Variants in REV3L observed in about 807,000 individuals in gnomAD.
REV3L encodes DNA polymerase zeta catalytic subunit.
Under a neutral mutation model 299.4 loss-of-function variants are expected in REV3L, and 69 were observed. That is an observed-to-expected ratio of 0.23 (90% CI 0.19 to 0.28). The LOEUF is 0.28. Among genes scored for constraint, REV3L ranks in the 10% least tolerant of loss-of-function variants. REV3L has a pLI of 1.00. For synonymous variants in REV3L, 1,238 were observed against 1,271.4 expected (o/e 0.97, Z 0.56); for missense variants, 3,128 against 3,693.8 (o/e 0.85, Z 3.97).
At position 111,390,162 on chromosome 6, in the gene REV3L, A is replaced by G. The variant is rs1474974341; in HGVS notation, c.681T>C (p.Gly227=). The G allele has an allele frequency of 5.6e-6, 9 of 1,600,594 alleles. No homozygotes were observed. Among genetic ancestry groups the G allele is most frequent in the Non-Finnish European group, 6.8e-6 (8 of 1,168,242 alleles). Residue 227 remains glycine, a synonymous_variant, in exon 6 of 32, where the codon GGT becomes GGC. Coordinates refer to ENST00000368802, the MANE Select transcript of REV3L (RefSeq NM_001372078.1). ...ATTCACATGTACTCTGTGGTTCAAC[A>G]CCTTCCAATATTAAAGAGCTGCAAT... The part of the protein sequence containing the change: ...DEIPSSLILE[G]VEPQSTCELE...
rs754018384 is a variant in REV3L, at chr6:111,374,218, G to A, written c.4137C>T (p.Ser1379=). 1 of 1,613,712 alleles carries A rather than the reference G, an allele frequency of 6.2e-7. No individual in the cohort carries two copies. The highest frequency in any genetic ancestry group is 8.5e-7 in the Non-Finnish European group (1 of 1,179,746). Residue 1379 remains serine, a synonymous_variant, in exon 13 of 32, where the codon TCC becomes TCT. Coordinates refer to ENST00000368802, the MANE Select transcript of REV3L (RefSeq NM_001372078.1). The part of the protein sequence containing the change: ...AQNTQISSGM[S]SKIEDNANNI... The stretch of plus-strand genomic sequence containing the variant: ...TATTTGCATTATCTTCTATCTTTGA[G>A]GACATACCAGAAGATATCTGTGTAT...
intron 3 of REV3L, among the ~76,000 whole-genome samples, chr6:111,406,898 A>C (rs1025643148): frequency 6.6e-6 from 1 of 152,224 alleles, no homozygotes; most frequent in Non-Finnish European, 1.5e-5. Flanking sequence ...TACTGTGCTA[A>C]CGTACTTTAT....
intron 21 of REV3L, among the ~76,000 whole-genome samples, chr6:111,339,754 A>G (rs1233357518): frequency 1.3e-5 from 2 of 152,224 alleles, no homozygotes; most frequent in South Asian, 4.1e-4. Flanking sequence ...TAATTTAAAA[A>G]AGTGATCTTT....
At chr6:111,339,856 T>C (rs1181852370) in intron 21 of REV3L, among the ~76,000 whole-genome samples, 2 of 152,168 alleles carry the variant, frequency 1.3e-5, no homozygotes, top group South Asian at 2.1e-4. Context: ...CCTTTACTTA[T>C]GGTTAAAGGA....
intron 2 of REV3L, chr6:111,411,915 A>C: frequency 1.1e-6 from 1 of 918,342 alleles, no homozygotes; most frequent in Non-Finnish European, 1.3e-6. Flanking sequence ...CTCCACATAT[A>C]AGAAAACATA....
chr6:111,432,598 A>G (rs1425704451), intron 1 of REV3L, among the ~76,000 whole-genome samples: 3 of 152,220 alleles, frequency 2.0e-5, no homozygotes, highest in African/African-American at 7.2e-5. Flanking sequence ...CAATACAGTA[A>G]TAGTAGGGGA....
Position 111,315,311 on chromosome 6 carries a change from C to T in REV3L, c.8422G>A (p.Val2808Ile). 3.1e-6 allele frequency: 5 copies of T among 1,614,074 alleles called. No individual in the cohort carries two copies. Among genetic ancestry groups the T allele is most frequent in the Non-Finnish European group, 4.2e-6 (5 of 1,179,994 alleles). ...ACTGGTTTAGGATTGGTAGCAGTTA[C>T]AGCTTCGGCAATTTCCTGACCAATC... ...FKIGQEIAEAVTATNPKPVKL... is the reference protein window; with the variant it reads ...FKIGQEIAEAITATNPKPVKL... Residue 2808 changes from valine (V) to isoleucine (I), a missense_variant, in exon 27 of 32, where the codon GTA (valine) becomes ATA (isoleucine). Coordinates refer to ENST00000368802, the MANE Select transcript of REV3L (RefSeq NM_001372078.1).
At chr6:111,370,282 A>C (rs1227217678) in intron 13 of REV3L, among the ~76,000 whole-genome samples, 1 of 152,240 alleles carries the variant, frequency 6.6e-6, no homozygotes, top group African/African-American at 2.4e-5. Flanking sequence ...CATAATCACT[A>C]CTAATAACAC....
At chr6:111,371,943 C>T (rs908915449) in intron 13 of REV3L, among the ~76,000 whole-genome samples, 4 of 152,102 alleles carry the variant, frequency 2.6e-5, no homozygotes, top group East Asian at 1.9e-4. Flanking sequence ...CCTCCCACCT[C>T]GGCCTCCCAA....
At chr6:111,411,922 C>T (rs1202999964) in intron 2 of REV3L, 3 of 937,716 alleles carry the variant, frequency 3.2e-6, no homozygotes, top group Non-Finnish European at 3.8e-6. Context: ...TATAAGAAAA[C>T]ATATTTTTGT....
chr6:111,327,836 T>G (rs1176920966), intron 25 of REV3L, among the ~76,000 whole-genome samples: 1 of 152,226 alleles, frequency 6.6e-6, no homozygotes, highest in Non-Finnish European at 1.5e-5. Context: ...AAGTTTCCAC[T>G]ATAGATGGTA....
At chr6:111,464,512 T>C (rs907115780) in intron 1 of REV3L, among the ~76,000 whole-genome samples, 2 of 151,540 alleles carry the variant, frequency 1.3e-5, no homozygotes, top group African/African-American at 4.9e-5. Context: ...ACAGAAAAAA[T>C]GTAAAAAGTA....
intron 1 of REV3L, among the ~76,000 whole-genome samples, chr6:111,475,571 A>G (rs1792844897): frequency 6.6e-6 from 1 of 152,178 alleles, no homozygotes; most frequent in Non-Finnish European, 1.5e-5. Context: ...AGTATGTTGT[A>G]GCTTGAATTT....
At chr6:111,423,042 G>T (rs975787413) in intron 1 of REV3L, among the ~76,000 whole-genome samples, 3 of 151,850 alleles carry the variant, frequency 2.0e-5, no homozygotes, top group African/African-American at 7.3e-5. Flanking sequence ...TACAGTGCAG[G>T]GTATAGTTGG....
At chr6:111,343,849 GT>G in intron 21 of REV3L, 75 bp downstream of exon 21, 1 of 1,051,468 alleles carries the variant, frequency 9.5e-7, no homozygotes, top group East Asian at 2.5e-5. Flanking sequence ...CACTTTAAAT[GT>G]GTGCATTTTA....
rs556785734 is a variant in REV3L at position 111,335,999 on chromosome 6, A to G, written c.7539-389T>C. Among the ~76,000 whole-genome samples, 93 of 152,076 alleles carry G rather than the reference A, an allele frequency of 6.1e-4. 3 individuals carry two copies. In the South Asian group the frequency reaches 0.017, roughly 27 times the overall value. ...ATTTATCATATCTATAGATTTTTAA[A>G]GAACATGAAGGGTCTGGGTTATCAT... On this transcript the variant is annotated intron_variant, in intron 21 of 31. Coordinates refer to ENST00000368802, the MANE Select transcript of REV3L (RefSeq NM_001372078.1).
intron 13 of REV3L, among the ~76,000 whole-genome samples, chr6:111,368,345 C>G (rs995827926): frequency 6.6e-6 from 1 of 152,098 alleles, no homozygotes; most frequent in Non-Finnish European, 1.5e-5. Context: ...AGATTCCTTT[C>G]CTCTCCTAAT....
At chr6:111,414,268 A>G (rs1340072860) in intron 2 of REV3L, among the ~76,000 whole-genome samples, 1 of 152,120 alleles carries the variant, frequency 6.6e-6, no homozygotes, top group African/African-American at 2.4e-5. Context: ...GAAGAGGTCA[A>G]TGATCTGGAG....
rs1238528865 is a variant in REV3L at position 111,381,417 on chromosome 6, GCTT to G, written c.1121_1123del (p.Glu374del). ...CAAAATTGCTTCTTCATTAATAAGA[GCTT>G]CTTCCACTTTGTGTCTAGTGTGACC... is the stretch of plus-strand genomic sequence containing the variant. On this transcript the variant is annotated inframe_deletion, in exon 10 of 32. Transcript: ENST00000368802. 3 of 1,612,874 alleles carry G rather than the reference GCTT, an allele frequency of 1.9e-6. No homozygotes were observed. The South Asian group carries it at 3.3e-5, about 18-fold the overall frequency.
Sources: gnomAD v4.1 joint callset for allele counts (sites outside exome capture counted in the v4.1 genomes callset) on GRCh38, gnomAD v4.1.1 for gene constraint, MANE v1.5 for transcripts, NCBI Gene and HGNC (gene_info 2026-07-23, HGNC 2026-07-21) for gene names.